The following JMJD1C variants were observed in gnomAD, a reference collection of about 807,000 sequenced individuals.
JMJD1C encodes jumonji domain containing 1C, also known as jumonji domain-containing protein 1C.
A neutral mutation model predicts 245.3 loss-of-function variants in JMJD1C; 31 were observed. That is an observed-to-expected ratio of 0.13 (90% CI 0.09 to 0.17). JMJD1C has a LOEUF of 0.17. Among genes scored for constraint, JMJD1C ranks in the 10% least tolerant of loss-of-function variants. The pLI is 1.00. For missense variants in JMJD1C, 2,691 were observed against 3,000.2 expected (o/e 0.90, Z 2.41); for synonymous variants, 1,057 against 1,017.4 (o/e 1.04, Z -0.74).
chr10:63,423,562 G>T (rs1306455355), intron 1 of JMJD1C, among the ~76,000 whole-genome samples: 2 of 152,156 alleles, frequency 1.3e-5, no homozygotes, highest in Non-Finnish European at 2.9e-5. Flanking sequence ...CTCTGTTGCT[G>T]GACATTTGGG....
chr10:63,310,468 T>C (rs535987949), intron 2 of JMJD1C, among the ~76,000 whole-genome samples: 26 of 152,268 alleles, frequency 1.7e-4, no homozygotes, highest in Non-Finnish European at 2.5e-4. Flanking sequence ...TCAGAAACAG[T>C]CCTACTCATT....
intron 2 of JMJD1C, among the ~76,000 whole-genome samples, chr10:63,353,328 G>A (rs1293105427): frequency 2.0e-5 from 3 of 152,170 alleles, no homozygotes; most frequent in Non-Finnish European, 2.9e-5. Flanking sequence ...TCACGGTAAT[G>A]ATGGTGGTTC....
intron 22 of JMJD1C, among the ~76,000 whole-genome samples, chr10:63,180,512 A>G (rs1843340436): frequency 6.6e-6 from 1 of 152,224 alleles, no homozygotes; most frequent in African/African-American, 2.4e-5. Flanking sequence ...TATCTGTGAC[A>G]AAGTCTTTTC....
intron 2 of JMJD1C, among the ~76,000 whole-genome samples, chr10:63,280,717 A>C (rs1408573248): frequency 2.0e-5 from 3 of 152,210 alleles, no homozygotes; most frequent in Admixed American, 2.0e-4. Flanking sequence ...AGTACAGATA[A>C]ATGTGATAAA....
chr10:63,183,605 TTATATA>T, intron 21 of JMJD1C, 36 bp from the exon 22 acceptor site: 1 of 1,266,494 alleles, frequency 7.9e-7, no homozygotes, highest in Non-Finnish European at 1.1e-6. Flanking sequence ...GACAAAATAT[TTATATA>T]TATGTAATAG....
At chr10:63,499,057 T>C (rs1954454161) in intron 1 of JMJD1C, among the ~76,000 whole-genome samples, 1 of 152,240 alleles carries the variant, frequency 6.6e-6, no homozygotes, top group South Asian at 2.1e-4. Flanking sequence ...CAGTATTTCC[T>C]TCTTTTTCTA....
At chr10:63,342,225 T>G (rs1943445411) in intron 2 of JMJD1C, among the ~76,000 whole-genome samples, 1 of 152,190 alleles carries the variant, frequency 6.6e-6, no homozygotes, top group African/African-American at 2.4e-5. Flanking sequence ...GTGATTATAA[T>G]AAGTGACAAT....
rs1172849797 is a variant in JMJD1C at position 63,214,374 on chromosome 10, G to A, written c.1793C>T (p.Ser598Phe). ...HLNMEKEKYVSYISPLSAVSV... is the reference protein window; with the variant it reads ...HLNMEKEKYVFYISPLSAVSV... ...AACTGCACTTAAAGGAGAAATGTAA[G>A]AGACATACTTCTCTTTTTCCATGTT... Residue 598 changes from serine to phenylalanine, a missense_variant, in exon 8 of 26, where the codon TCT becomes TTT. Physicochemically the swap from Ser to Phe is radical, Grantham distance 155 (BLOSUM62 -2). Around this residue, in one of 9 missense-constraint regions of JMJD1C, gnomAD observed 1,562 missense variants for 1,490.7 expected, o/e 1.05. Transcript: ENST00000399262. The A allele has an allele frequency of 1.2e-6, 2 of 1,613,998 alleles. No individual in the cohort carries two copies. Among genetic ancestry groups the A allele is most frequent in the Admixed American group, 1.7e-5 (1 of 60,016 alleles).
At chr10:63,297,284 TC>T (rs1484454883) in intron 2 of JMJD1C, among the ~76,000 whole-genome samples, 3 of 152,170 alleles carry the variant, frequency 2.0e-5, no homozygotes, top group Admixed American at 6.5e-5. Flanking sequence ...TAGTGCTTTT[TC>T]CAGGCCCACC....
intron 8 of JMJD1C, among the ~76,000 whole-genome samples, chr10:63,212,856 A>G (rs894644033): frequency 1.2e-4 from 18 of 151,044 alleles, no homozygotes; most frequent in African/African-American, 4.4e-4. Context: ...TAATTATTGC[A>G]TAATTATAAT....
chr10:63,269,131 A>C, intron 2 of JMJD1C: 2 of 985,508 alleles, frequency 2.0e-6, no homozygotes, highest in Middle Eastern at 5.2e-4. Context: ...ACAGCCATCC[A>C]TCAGCTGGAG....
chr10:63,409,437 T>C (rs747781023), intron 1 of JMJD1C, among the ~76,000 whole-genome samples: 5 of 152,160 alleles, frequency 3.3e-5, no homozygotes, highest in Non-Finnish European at 7.3e-5. Context: ...GGGGCAGGCA[T>C]GTAGGAAGAG....
chr10:63,450,211 A>AT (rs555430727), intron 1 of JMJD1C, among the ~76,000 whole-genome samples: 129 of 147,700 alleles, frequency 8.7e-4, no homozygotes, highest in Admixed American at 1.4e-3. Flanking sequence ...TCACAAAATA[A>AT]TTTTTTTTTT....
At chr10:63,403,808 C>T (rs1280419666) in intron 1 of JMJD1C, among the ~76,000 whole-genome samples, 2 of 152,120 alleles carry the variant, frequency 1.3e-5, no homozygotes, top group South Asian at 2.1e-4. Flanking sequence ...TGGTGGCTCA[C>T]GCCTGTAATT....
At chr10:63,461,567 A>G (rs1952802349) in intron 1 of JMJD1C, among the ~76,000 whole-genome samples, 1 of 152,214 alleles carries the variant, frequency 6.6e-6, no homozygotes, top group South Asian at 2.1e-4. Context: ...TATTTAAGAC[A>G]GAAGTTTTGC....
chr10:63,222,524 C>A, intron 3 of JMJD1C: 3 of 1,365,436 alleles, frequency 2.2e-6, no homozygotes, highest in South Asian at 1.2e-5. Flanking sequence ...GCACTTTTGT[C>A]CCAAAGATAC....
At position 63,252,967 on chromosome 10, in the gene JMJD1C, C is replaced by T. The variant is rs185076556; in HGVS notation, c.447+11684G>A. On this transcript the variant is annotated intron_variant, in intron 3 of 25. Transcript: ENST00000399262. ...GCAATCACAGGATCTTCTTTTTCCT[C>T]GAATCTTAAAAACATATGTTTCCTA... Among the ~76,000 whole-genome samples the T allele has an allele frequency of 3.9e-5, 6 of 152,226 alleles. No individual in the cohort carries two copies. The East Asian group carries it at 7.7e-4, about 20-fold the overall frequency.
At chr10:63,330,162 A>G (rs374333916) in intron 2 of JMJD1C, among the ~76,000 whole-genome samples, 82 of 152,194 alleles carry the variant, frequency 5.4e-4, no homozygotes, top group African/African-American at 1.9e-3. Context: ...CTGACCTCCC[A>G]AAGTGCTGGG....
chr10:63,250,329 A>T (rs1184669533), intron 3 of JMJD1C, among the ~76,000 whole-genome samples: 14 of 152,200 alleles, frequency 9.2e-5, no homozygotes. Flanking sequence ...AAGAATTTTT[A>T]AATATAAATA....
Sources: allele counts gnomAD v4.1 joint callset (sites outside exome capture counted in the v4.1 genomes callset), GRCh38; gene constraint gnomAD v4.1.1; regional missense constraint gnomAD v4.1.1; transcripts MANE v1.5; gene names NCBI Gene and HGNC (gene_info 2026-07-23, HGNC 2026-07-21).